ZNF804B: variants seen among roughly 807,000 people sequenced by gnomAD.
ZNF804B encodes the protein zinc finger 804B.
Under a neutral mutation model 101.4 loss-of-function variants are expected in ZNF804B, and 80 were observed. The ratio of observed to expected loss-of-function variants is 0.79; its 90% CI spans 0.66 to 0.95. The LOEUF is 0.95. ZNF804B is among the 40% of genes least tolerant of loss of function. The probability of loss-of-function intolerance (pLI) is 0.00; values close to 1 mark genes in which losing one functional copy is unlikely to be tolerated. For missense variants in ZNF804B, 1,673 were observed against 1,561.9 expected, an observed-to-expected ratio of 1.07 and a Z score of -1.20; for synonymous variants, 622 against 558.8, an observed-to-expected ratio of 1.11 and a Z score of -1.59.
chr7:89,055,650 G>A (rs1189042599), intron 1 of ZNF804B, among the ~76,000 whole-genome samples: 3 of 152,082 alleles, frequency 2.0e-5, no homozygotes, highest in African/African-American at 7.2e-5. Context: ...CCTTTGTCCA[G>A]TGAAAAGTCT....
intron 1 of ZNF804B, among the ~76,000 whole-genome samples, chr7:89,147,268 A>T (rs1310967425): frequency 6.6e-6 from 1 of 151,974 alleles, no homozygotes; most frequent in East Asian, 1.9e-4. Context: ...AATGTTGAAC[A>T]ATTATCACCT....
At position 89,336,687 on chromosome 7, in the gene ZNF804B, A is replaced by G. The variant is rs537361148; in HGVS notation, c.3705A>G (p.Leu1235=). The G allele has an allele frequency of 4.3e-5, 69 of 1,614,002 alleles. 1 individual carries two copies. In the South Asian group the frequency reaches 7.4e-4, roughly 17 times the overall value. ...SHSSHLPIAH[L]HPLSQAHFSP... ...GCAGTCACCTCCCTATTGCTCATCT[A>G]CATCCTCTTTCACAGGCACATTTCA... Residue 1235 remains leucine, a synonymous_variant, in exon 4 of 4, where the codon CTA becomes CTG. Coordinates refer to ENST00000333190, the MANE Select transcript of ZNF804B (RefSeq NM_181646.5).
chr7:89,277,175 CA>C (rs943969075), intron 2 of ZNF804B, among the ~76,000 whole-genome samples: 1 of 148,660 alleles, frequency 6.7e-6, no homozygotes, highest in Admixed American at 6.7e-5. Flanking sequence ...TATATAGATA[CA>C]AAATTTTACA....
At chr7:88,828,220 T>C (rs1791076226) in intron 1 of ZNF804B, among the ~76,000 whole-genome samples, 2 of 152,146 alleles carry the variant, frequency 1.3e-5, no homozygotes, top group Admixed American at 1.3e-4. Flanking sequence ...ATGCAATAAA[T>C]GCAACCATTT....
At chr7:89,233,088 A>AT (rs879442669) in intron 2 of ZNF804B, among the ~76,000 whole-genome samples, 4,049 of 146,846 alleles carry the variant, frequency 0.028, 166 homozygotes, top group African/African-American at 0.091. Flanking sequence ...CGCCTGGCTA[A>AT]TTTTTTTTTT....
chr7:89,335,261 A>G lies in ZNF804B; in HGVS notation c.2279A>G (p.His760Arg). 1 of 1,613,836 alleles carries G rather than the reference A, an allele frequency of 6.2e-7. No homozygotes were observed. The highest frequency in any genetic ancestry group is 8.5e-7 in the Non-Finnish European group (1 of 1,179,948). The change falls in exon 4 of 4, where the codon CAC becomes CGC. Residue 760 changes from histidine (H) to arginine (R), a missense_variant. Physicochemically the swap from His to Arg is conservative, Grantham distance 29. Coordinates refer to ENST00000333190, the MANE Select transcript of ZNF804B (RefSeq NM_181646.5). ...AGGCACAAACGGAAATGTCTAAAGCACAACTGCTTCTACTTGTCTGATGAT... is the reference window on the plus strand; with the variant it reads ...AGGCACAAACGGAAATGTCTAAAGCGCAACTGCTTCTACTTGTCTGATGAT... ...VERHKRKCLK[H>R]NCFYLSDDIT...
intron 2 of ZNF804B, among the ~76,000 whole-genome samples, chr7:89,286,142 G>C (rs1468637017): frequency 6.6e-6 from 1 of 152,152 alleles, no homozygotes; most frequent in Non-Finnish European, 1.5e-5. Context: ...CAACTAAGGT[G>C]TTGAGGTGGT....
chr7:88,874,183 C>CGAAG (rs1791885762), intron 1 of ZNF804B, among the ~76,000 whole-genome samples: 1 of 152,240 alleles, frequency 6.6e-6, no homozygotes, highest in Admixed American at 6.5e-5. Flanking sequence ...AGAGGTCCTT[C>CGAAG]ACATCCCTTG....
chr7:89,210,324 A>T (rs1018004968), intron 1 of ZNF804B, among the ~76,000 whole-genome samples: 8 of 152,176 alleles, frequency 5.3e-5, no homozygotes, highest in African/African-American at 1.9e-4. Context: ...AGAAAATTAA[A>T]TTTGCTAGCT....
intron 1 of ZNF804B, among the ~76,000 whole-genome samples, chr7:88,880,284 T>C (rs1792012691): frequency 6.6e-6 from 1 of 152,238 alleles, no homozygotes; most frequent in African/African-American, 2.4e-5. Flanking sequence ...TTTCAGCTTT[T>C]GCTGAGAATT....
chr7:89,176,587 C>CATTTTTTTTTTTTTTT, intron 1 of ZNF804B, among the ~76,000 whole-genome samples: 1 of 53,994 alleles, frequency 1.9e-5, no homozygotes, highest in Non-Finnish European at 3.6e-5. Context: ...TTCTTTCTTT[C>CATTTTTTTTTTTTTTT]TTTCTTTTTT....
intron 1 of ZNF804B, among the ~76,000 whole-genome samples, chr7:88,828,509 C>T (rs1173377741): frequency 6.6e-6 from 1 of 152,024 alleles, no homozygotes; most frequent in East Asian, 1.9e-4. Flanking sequence ...TACCCAATTG[C>T]CCACCAACTC....
At chr7:89,243,449 G>C (rs1789398678) in intron 2 of ZNF804B, among the ~76,000 whole-genome samples, 1 of 151,738 alleles carries the variant, frequency 6.6e-6, no homozygotes, top group Admixed American at 6.6e-5. Context: ...CTGTATTTGA[G>C]TTGAGAAGAA....
intron 1 of ZNF804B, among the ~76,000 whole-genome samples, chr7:88,839,078 G>C (rs1464930210): frequency 6.6e-6 from 1 of 151,900 alleles, no homozygotes; most frequent in East Asian, 1.9e-4. Flanking sequence ...CAATTTGTTA[G>C]CTTTATAAAA....
intron 1 of ZNF804B, among the ~76,000 whole-genome samples, chr7:88,858,134 A>G (rs540079514): frequency 3.8e-4 from 58 of 151,672 alleles, no homozygotes; most frequent in Non-Finnish European, 7.8e-4. Context: ...GCATTTCTTT[A>G]CCTATAATTA....
chr7:88,975,317 A>G (rs184946347), intron 1 of ZNF804B, among the ~76,000 whole-genome samples: 24 of 151,534 alleles, frequency 1.6e-4, no homozygotes, highest in African/African-American at 5.5e-4. Context: ...GCTAGACCAT[A>G]TGACCATTCT....
intron 1 of ZNF804B, among the ~76,000 whole-genome samples, chr7:88,972,173 A>ATTGT (rs1025118631): frequency 1.8e-4 from 27 of 151,638 alleles, no homozygotes; most frequent in African/African-American, 6.3e-4. Context: ...TGGAATTTGA[A>ATTGT]TTGTGTATTT....
chr7:88,982,000 G>A (rs1793700090), intron 1 of ZNF804B, among the ~76,000 whole-genome samples: 1 of 151,918 alleles, frequency 6.6e-6, no homozygotes, highest in Non-Finnish European at 1.5e-5. Flanking sequence ...TATGTGGATA[G>A]TTATTCAGTT....
intron 1 of ZNF804B, among the ~76,000 whole-genome samples, chr7:88,877,023 TATAATATATATATATATATA>T (rs1562820401): frequency 1.3e-3 from 91 of 72,798 alleles, no homozygotes; most frequent in Admixed American, 1.9e-3. Flanking sequence ...TATATATATA[TATAATATATATATATATATA>T]TATATATTTT....
Sources: gnomAD v4.1 joint callset for allele counts (sites outside exome capture counted in the v4.1 genomes callset) on GRCh38, gnomAD v4.1.1 for gene constraint, MANE v1.5 for transcripts, NCBI Gene and HGNC (gene_info 2026-07-23, HGNC 2026-07-21) for gene names.